The following FHIT variants were observed in gnomAD, a reference collection of about 807,000 sequenced individuals.
FHIT encodes fragile histidine triad diadenosine triphosphatase.
In FHIT, 19 loss-of-function variants were observed where a neutral mutation model predicts 17.9. The observed-to-expected ratio is 1.06, with a 90% CI of 0.74 to 1.56. The LOEUF is 1.56. Among genes scored for constraint, FHIT ranks in the 40% most tolerant of loss-of-function variants. FHIT has a pLI of 0.00. For missense variants in FHIT, 248 were observed against 189.2 expected (o/e 1.31, Z -1.82); for synonymous variants, 81 against 69.7 (o/e 1.16, Z -0.81).
chr3:60,277,315 T>C (rs1707194185), intron 5 of FHIT, among the ~76,000 whole-genome samples: 1 of 152,088 alleles, frequency 6.6e-6, no homozygotes, highest in Non-Finnish European at 1.5e-5. Context: ...AGGTTTTCCT[T>C]TGAATGAAAA....
intron 4 of FHIT, among the ~76,000 whole-genome samples, chr3:60,560,414 A>G (rs529869701): frequency 6.6e-6 from 1 of 152,194 alleles, no homozygotes; most frequent in South Asian, 2.1e-4. Context: ...AGCAGACCTA[A>G]GCAGCCAGGT....
At chr3:60,176,824 C>T (rs1701695382) in intron 5 of FHIT, among the ~76,000 whole-genome samples, 1 of 152,136 alleles carries the variant, frequency 6.6e-6, no homozygotes. Context: ...CTGCTCTAGC[C>T]TTTGGCTATC....
intron 5 of FHIT, among the ~76,000 whole-genome samples, chr3:60,456,377 T>C (rs183926883): frequency 2.0e-5 from 3 of 152,314 alleles, no homozygotes; most frequent in East Asian, 3.9e-4. Context: ...CAAACCAGAA[T>C]TGAATTGTTA....
chr3:60,936,124 A>G (rs775654386), intron 3 of FHIT, among the ~76,000 whole-genome samples: 1 of 152,178 alleles, frequency 6.6e-6, no homozygotes, highest in Non-Finnish European at 1.5e-5. Context: ...CCAAACAGCC[A>G]CTTAGTCCAT....
chr3:60,236,123 T>C (rs1274358679), intron 5 of FHIT, among the ~76,000 whole-genome samples: 1 of 152,004 alleles, frequency 6.6e-6, no homozygotes, highest in African/African-American at 2.4e-5. Context: ...TGAATGCAAC[T>C]TCTTTCAGAA....
chr3:60,273,022 A>G (rs1228851449), intron 5 of FHIT, among the ~76,000 whole-genome samples: 1 of 152,214 alleles, frequency 6.6e-6, no homozygotes, highest in African/African-American at 2.4e-5. Flanking sequence ...CTAACAAGGT[A>G]AACAATGGAT....
At chr3:59,858,531 C>A (rs1360158534) in intron 8 of FHIT, among the ~76,000 whole-genome samples, 1 of 151,884 alleles carries the variant, frequency 6.6e-6, no homozygotes, top group Non-Finnish European at 1.5e-5. Context: ...CAGCCTTTTC[C>A]CTTTCTTTCT....
rs36022063 is a variant in FHIT at position 60,861,942 on chromosome 3, C to CAA, written c.-110-39933_-110-39932dup. On this transcript the variant is annotated intron_variant, in intron 3 of 9. Transcript: ENST00000492590. ...TGGGCAACAGACCAAGACTCGGTCT[C>CAA]AAAAAAAAAAAAAAAAAGGCCGGTT... Among the ~76,000 whole-genome samples the CAA allele has an allele frequency of 2.3e-3, 188 of 80,012 alleles. 3 individuals carry two copies. Among genetic ancestry groups the CAA allele is most frequent in the Non-Finnish European group, 3.2e-3 (122 of 38,388 alleles). The allele number at this position is 80,012 out of a possible 152,430, so 52.5% of individuals were successfully genotyped here.
chr3:59,940,636 G>A (rs1298283006), intron 7 of FHIT, among the ~76,000 whole-genome samples: 2 of 152,198 alleles, frequency 1.3e-5, no homozygotes, highest in East Asian at 3.8e-4. Flanking sequence ...AGTCAGATGA[G>A]CTGGGATGAA....
intron 5 of FHIT, among the ~76,000 whole-genome samples, chr3:60,286,029 A>G (rs887994938): frequency 6.6e-6 from 1 of 152,110 alleles, no homozygotes; most frequent in Non-Finnish European, 1.5e-5. Context: ...AAGTGGGTGT[A>G]GAGGGGGAGG....
chr3:60,939,980 G>A (rs1281966499), intron 3 of FHIT, among the ~76,000 whole-genome samples: 2 of 151,992 alleles, frequency 1.3e-5, no homozygotes, highest in South Asian at 2.1e-4. Flanking sequence ...TATTGAAAAG[G>A]AATCACACAG....
chr3:61,189,927 G>A (rs1315395483), intron 2 of FHIT, among the ~76,000 whole-genome samples: 1 of 151,222 alleles, frequency 6.6e-6, no homozygotes, highest in Non-Finnish European at 1.5e-5. Flanking sequence ...TTATACAAAA[G>A]TTAATTCAAG....
At position 60,249,465 on chromosome 3, in the gene FHIT, C is replaced by A. The variant is rs924839223; in HGVS notation, c.104-235313G>T. 2.0e-5 allele frequency among the ~76,000 whole-genome samples: 3 copies of A among 152,176 alleles called. No homozygotes were observed. In the East Asian group the frequency reaches 5.8e-4, roughly 29 times the overall value. ...CTCTGGTGAGGACAACTGGCAAAAT[C>A]CCATCACCCTGTTCATTTGATTGGC... is the stretch of plus-strand genomic sequence containing the variant. On this transcript the variant is annotated intron_variant, in intron 5 of 9. Coordinates refer to ENST00000492590, the MANE Select transcript of FHIT (RefSeq NM_002012.4).
intron 5 of FHIT, among the ~76,000 whole-genome samples, chr3:60,446,056 T>C (rs1372194748): frequency 6.6e-6 from 1 of 152,062 alleles, no homozygotes; most frequent in Non-Finnish European, 1.5e-5. Context: ...ATGCCTACAG[T>C]ACAAGTAGTA....
intron 8 of FHIT, among the ~76,000 whole-genome samples, chr3:59,889,785 C>A (rs1476894707): frequency 1.3e-5 from 2 of 152,174 alleles, no homozygotes; most frequent in Non-Finnish European, 2.9e-5. Flanking sequence ...TTCATAAGCA[C>A]ACACATAAGA....
chr3:59,774,109 G>C (rs372145886), intron 8 of FHIT, among the ~76,000 whole-genome samples: 1 of 152,142 alleles, frequency 6.6e-6, no homozygotes, highest in South Asian at 2.1e-4. Flanking sequence ...GCCCTACAGC[G>C]TGAGATGCGC....
rs557424932 is a variant in FHIT at position 60,547,643 on chromosome 3, C to A, written c.-17-10664G>T. ...TGACATATTTGTACCCTCTCTACCT[C>A]CTATAAACTACCTTTACATCTGCAT... On this transcript the variant is annotated intron_variant, in intron 4 of 9. Transcript: ENST00000492590. Among the ~76,000 whole-genome samples, 274 of 152,320 alleles carry A rather than the reference C, an allele frequency of 1.8e-3. 1 individual carries two copies. The highest frequency in any genetic ancestry group is 6.3e-3 in the African/African-American group (262 of 41,578).
chr3:60,266,869 G>A (rs1414726447), intron 5 of FHIT, among the ~76,000 whole-genome samples: 1 of 152,030 alleles, frequency 6.6e-6, no homozygotes, highest in Non-Finnish European at 1.5e-5. Context: ...CTAAGACAGT[G>A]ATAAGTATTT....
intron 5 of FHIT, among the ~76,000 whole-genome samples, chr3:60,318,133 T>G (rs565739348): frequency 1.3e-3 from 194 of 152,194 alleles, no homozygotes; most frequent in Non-Finnish European, 2.2e-3. Context: ...CAAAAAACCC[T>G]GAACACATCA....
Sources: allele counts gnomAD v4.1 joint callset (sites outside exome capture counted in the v4.1 genomes callset), GRCh38; gene constraint gnomAD v4.1.1; transcripts MANE v1.5; gene names NCBI Gene and HGNC (gene_info 2026-07-23, HGNC 2026-07-21).